NAV2: variants seen among roughly 807,000 people sequenced by gnomAD.
The protein encoded by NAV2 is neuron navigator 2.
NAV2 carries 54 observed loss-of-function variants against 223.2 expected under a neutral mutation model. The observed-to-expected ratio is 0.24, with a 90% CI of 0.19 to 0.30. The LOEUF (loss-of-function observed/expected upper bound fraction) is 0.30. Ranked by LOEUF, NAV2 falls within the 10% of genes least tolerant of loss-of-function variation. NAV2 has a pLI of 1.00. For missense variants in NAV2, 2,806 were observed against 3,147.5 expected (o/e 0.89, Z 2.60); for synonymous variants, 1,279 against 1,239.3 (o/e 1.03, Z -0.67).
intron 1 of NAV2, among the ~76,000 whole-genome samples, chr11:19,821,139 G>A (rs1046293268): frequency 1.3e-5 from 2 of 151,956 alleles, no homozygotes; most frequent in Admixed American, 1.3e-4. Context: ...GCAGGCACCT[G>A]TAGTCCCAGC....
intron 1 of NAV2, among the ~76,000 whole-genome samples, chr11:19,740,921 A>G (rs1198990772): frequency 6.6e-6 from 1 of 152,208 alleles, no homozygotes; most frequent in South Asian, 2.1e-4. Flanking sequence ...CTTAGAGCCC[A>G]AGAGCCCACA....
chr11:19,445,026 C>A (rs1243943600), intron 1 of NAV2, among the ~76,000 whole-genome samples: 4 of 152,216 alleles, frequency 2.6e-5, no homozygotes, highest in Admixed American at 2.6e-4. Flanking sequence ...TCACTGCCAT[C>A]ATCATCTCCA....
chr11:19,906,965 C>G (rs2042917150), intron 6 of NAV2, among the ~76,000 whole-genome samples: 1 of 152,130 alleles, frequency 6.6e-6, no homozygotes, highest in South Asian at 2.1e-4. Context: ...CTCAGGACAC[C>G]TGGGGTCTGG....
At chr11:19,821,228 C>G (rs1035777965) in intron 1 of NAV2, among the ~76,000 whole-genome samples, 12 of 146,682 alleles carry the variant, frequency 8.2e-5, no homozygotes, top group Admixed American at 3.4e-4. Context: ...CGCCACTGCA[C>G]TCCAGCCTGG....
chr11:20,065,455 AG>A (rs1427069960), intron 20 of NAV2, among the ~76,000 whole-genome samples: 1 of 152,218 alleles, frequency 6.6e-6, no homozygotes, highest in Non-Finnish European at 1.5e-5. Flanking sequence ...GCCATGGAAA[AG>A]TTATGGCTAC....
chr11:20,102,864 G>T (rs1276648684), intron 32 of NAV2, among the ~76,000 whole-genome samples: 1 of 152,150 alleles, frequency 6.6e-6, no homozygotes, highest in Non-Finnish European at 1.5e-5. Context: ...GCTGTGTGTT[G>T]TGTCTGCCAC....
chr11:19,381,651 C>T (rs1006243923), intron 1 of NAV2, among the ~76,000 whole-genome samples: 7 of 152,134 alleles, frequency 4.6e-5, no homozygotes, highest in Non-Finnish European at 8.8e-5. Flanking sequence ...GGCTCTGAAG[C>T]GAGCTGGTGT....
chr11:20,044,355 T>A, intron 13 of NAV2, 83 bp downstream of exon 13: 3 of 1,249,166 alleles, frequency 2.4e-6, no homozygotes, highest in Non-Finnish European at 2.2e-6. Context: ...GACTTGACAT[T>A]ATATATTTTG....
At chr11:20,036,624 T>C (rs114576796) in intron 12 of NAV2, among the ~76,000 whole-genome samples, 3,057 of 152,294 alleles carry the variant, frequency 0.02, 106 homozygotes, top group African/African-American at 0.07. Context: ...TGGCCCACAG[T>C]GTTACCCTTC....
rs374238269 is a variant in NAV2 at position 19,946,062 on chromosome 11, A to G, written c.2147-339A>G. 2.4e-3 allele frequency among the ~76,000 whole-genome samples: 366 copies of G among 152,352 alleles called. 10 individuals are homozygous for G. In the South Asian group the frequency reaches 0.074, roughly 31 times the overall value. ...TCACTCATTTTTGCATGGGTAGAAA[A>G]TGACTACCTGGTTGGACCTAACCTG... On this transcript the variant is annotated intron_variant, in intron 8 of 37. Coordinates refer to ENST00000349880, the MANE Select transcript of NAV2 (RefSeq NM_145117.5).
chr11:19,361,916 A>T (rs1853974491), intron 1 of NAV2, among the ~76,000 whole-genome samples: 1 of 152,154 alleles, frequency 6.6e-6, no homozygotes, highest in Admixed American at 6.5e-5. Flanking sequence ...AGCTGGGTTA[A>T]GAGGAGAATC....
chr11:19,986,933 T>C (rs2050845854), intron 11 of NAV2, among the ~76,000 whole-genome samples: 1 of 152,254 alleles, frequency 6.6e-6, no homozygotes, highest in Non-Finnish European at 1.5e-5. Context: ...AAAATCTATA[T>C]TCTAAATGAG....
chr11:20,025,234 G>A (rs1470197404), intron 11 of NAV2, among the ~76,000 whole-genome samples: 1 of 152,150 alleles, frequency 6.6e-6, no homozygotes, highest in African/African-American at 2.4e-5. Context: ...GGTGTTTATG[G>A]GATGGTGCTT....
intron 1 of NAV2, among the ~76,000 whole-genome samples, chr11:19,472,448 G>T (rs1352317464): frequency 6.6e-6 from 1 of 152,088 alleles, no homozygotes; most frequent in Non-Finnish European, 1.5e-5. Context: ...ACCAATAATA[G>T]ATGTATCATG....
chr11:19,904,061 G>A (rs993043369), intron 6 of NAV2, among the ~76,000 whole-genome samples: 4 of 152,204 alleles, frequency 2.6e-5, no homozygotes, highest in African/African-American at 9.6e-5. Flanking sequence ...TAGCCCTAAG[G>A]AGAAGGATTT....
At chr11:19,738,960 G>A (rs779736179) in intron 1 of NAV2, among the ~76,000 whole-genome samples, 5 of 152,158 alleles carry the variant, frequency 3.3e-5, no homozygotes, top group Non-Finnish European at 7.3e-5. Flanking sequence ...TGGAAAAATG[G>A]AATTAGAAAC....
intron 5 of NAV2, among the ~76,000 whole-genome samples, chr11:19,886,017 G>A (rs2625303): frequency 0.18 from 27,037 of 152,022 alleles, 2,988 homozygotes; most frequent in East Asian, 0.43. Flanking sequence ...GTCCAGTTCT[G>A]ATACTTTAAC....
chr11:19,356,766 G>A lies in NAV2; in HGVS notation c.75+5739G>A, dbSNP rs141954580. On this transcript the variant is annotated intron_variant, in intron 1 of 37. Transcript: ENST00000360655. ...TTAACCCCCACTGTGGCTGTATTAG[G>A]ATTGTTTTCCAGGGAATAAAACGGC... Among the ~76,000 whole-genome samples, 1,169 of 152,276 alleles carry A rather than the reference G, an allele frequency of 7.7e-3. 11 individuals carry two copies. The highest frequency in any genetic ancestry group is 0.016 in the Admixed American group (246 of 15,290).
intron 10 of NAV2, among the ~76,000 whole-genome samples, chr11:19,979,455 A>G (rs2050108143): frequency 6.6e-6 from 1 of 151,964 alleles, no homozygotes. Flanking sequence ...CTCTGAACAT[A>G]CCTTCCCCTC....
Sources: gnomAD v4.1 joint callset for allele counts (sites outside exome capture counted in the v4.1 genomes callset) on GRCh38, gnomAD v4.1.1 for gene constraint, MANE v1.5 for transcripts, NCBI Gene and HGNC (gene_info 2026-07-23, HGNC 2026-07-21) for gene names.